The following GAREM1 variants were observed in gnomAD, a reference collection of about 807,000 sequenced individuals.
GAREM1 encodes the protein GRB2-associated and regulator of MAPK protein 1.
In GAREM1, 26 loss-of-function variants were observed where a neutral mutation model predicts 71.3. The observed-to-expected ratio is 0.36, with a 90% confidence interval of 0.27 to 0.51. The LOEUF is 0.51. Ranked by LOEUF, GAREM1 falls within the 20% of genes least tolerant of loss-of-function variation. The probability of loss-of-function intolerance (pLI) is 0.95; values close to 1 mark genes in which losing one functional copy is unlikely to be tolerated. For missense variants in GAREM1, 1,026 were observed against 1,103.1 expected, an observed-to-expected ratio of 0.93 and a Z score of 0.99; for synonymous variants, 440 against 433.2, an observed-to-expected ratio of 1.02 and a Z score of -0.20.
chr18:32,368,268 TGTCCTGCTAGCCTCTCCCTTGTAACATCA>T (rs2047944693), intron 2 of GAREM1, among the ~76,000 whole-genome samples: 1 of 152,116 alleles, frequency 6.6e-6, no homozygotes, highest in Non-Finnish European at 1.5e-5. Context: ...TGTAGGGCCA[TGTCCTGCTAGCCTCTCCCTTGTAACATCA>T]GTGCCTGGGA....
At chr18:32,402,756 T>C (rs1373249061) in intron 1 of GAREM1, among the ~76,000 whole-genome samples, 1 of 152,090 alleles carries the variant, frequency 6.6e-6, no homozygotes, top group Non-Finnish European at 1.5e-5. Flanking sequence ...TCCCACACAT[T>C]TTCTAACTAG....
rs75504790 is a variant in GAREM1, at chr18:32,325,447, G to A, written c.263-15124C>T. ...CACTCTGGTGCAGGATGTTAATGGT[G>A]GAGGCTCTGCGTGTGGTGGGGAAAG... On this transcript the variant is annotated intron_variant, in intron 2 of 5. Coordinates refer to ENST00000269209, the MANE Select transcript of GAREM1 (RefSeq NM_001242409.2). 8.9e-3 allele frequency among the ~76,000 whole-genome samples: 1,348 copies of A among 152,272 alleles called. 17 individuals are homozygous for A. Among genetic ancestry groups the A allele is most frequent in the African/African-American group, 0.031 (1,280 of 41,546 alleles).
intron 1 of GAREM1, among the ~76,000 whole-genome samples, chr18:32,457,226 A>AGAGAGAGAGT (rs1555648709): frequency 1.2e-5 from 1 of 81,926 alleles, no homozygotes; most frequent in African/African-American, 4.2e-5. Flanking sequence ...AGAGAGAGAG[A>AGAGAGAGAGT]GTGTGTGTGT....
At chr18:32,437,392 A>C (rs1010489750) in intron 1 of GAREM1, among the ~76,000 whole-genome samples, 6 of 152,186 alleles carry the variant, frequency 3.9e-5, no homozygotes, top group Non-Finnish European at 8.8e-5. Context: ...TGAGAAAGAC[A>C]TGAGTGAGAA....
intron 2 of GAREM1, among the ~76,000 whole-genome samples, chr18:32,383,174 C>T (rs186932880): frequency 2.0e-4 from 31 of 152,276 alleles, no homozygotes; most frequent in African/African-American, 7.2e-4. Context: ...ATGTTGGAGG[C>T]CCTGTGTAAT....
At chr18:32,411,872 C>CA (rs1475247237) in intron 1 of GAREM1, among the ~76,000 whole-genome samples, 1 of 148,044 alleles carries the variant, frequency 6.8e-6, no homozygotes, top group Non-Finnish European at 1.5e-5. Context: ...TTACACAGCA[C>CA]ATTAAAAAAA....
chr18:32,331,974 C>T (rs537374003), intron 2 of GAREM1, among the ~76,000 whole-genome samples: 12 of 151,204 alleles, frequency 7.9e-5, no homozygotes, highest in Admixed American at 7.3e-4. Flanking sequence ...TCTTTTCCCT[C>T]CTCCCTTGTA....
At chr18:32,406,198 ATTTTTCT>A (rs561549138) in intron 1 of GAREM1, among the ~76,000 whole-genome samples, 1,601 of 152,050 alleles carry the variant, frequency 0.011, 24 homozygotes, top group African/African-American at 0.037. Context: ...ATTATTTTTT[ATTTTTCT>A]TTTTTGTAGA....
intron 3 of GAREM1, among the ~76,000 whole-genome samples, chr18:32,290,755 G>A (rs1028960885): frequency 1.3e-5 from 2 of 151,794 alleles, no homozygotes; most frequent in Middle Eastern, 3.4e-3. Context: ...TTTCCTCTAA[G>A]AGAAATGCCA....
chr18:32,317,699 T>C (rs1330895853), intron 2 of GAREM1, among the ~76,000 whole-genome samples: 1 of 151,544 alleles, frequency 6.6e-6, no homozygotes, highest in Non-Finnish European at 1.5e-5. Flanking sequence ...TGTTGCTTTT[T>C]TTTTTTTTTT....
chr18:32,388,879 T>C (rs2048171171), intron 2 of GAREM1, among the ~76,000 whole-genome samples: 1 of 152,040 alleles, frequency 6.6e-6, no homozygotes, highest in South Asian at 2.1e-4. Flanking sequence ...AACTGGAACA[T>C]GGACAGTAGA....
rs572262640 is a variant in GAREM1 at position 32,274,137 on chromosome 18, G to A, written c.1567-3754C>T. On this transcript the variant is annotated intron_variant, in intron 4 of 5. Coordinates refer to ENST00000269209, the MANE Select transcript of GAREM1 (RefSeq NM_001242409.2). ...TTGTTGCTGCATGGGTGGCCGCTCC[G>A]ATGATGGCCTATTTCTCTGCATCTT... 7.9e-5 allele frequency among the ~76,000 whole-genome samples: 12 copies of A among 152,262 alleles called. No individual in the cohort carries two copies. In the South Asian group the frequency reaches 8.3e-4, roughly 11 times the overall value.
chr18:32,468,966 C>A (rs1264770640), intron 1 of GAREM1, among the ~76,000 whole-genome samples: 2 of 131,990 alleles, frequency 1.5e-5, no homozygotes, highest in African/African-American at 2.8e-5. Flanking sequence ...TGCGTCCCCC[C>A]CCCCCGCCCC....
At chr18:32,445,701 C>T (rs745341035) in intron 1 of GAREM1, among the ~76,000 whole-genome samples, 5 of 152,208 alleles carry the variant, frequency 3.3e-5, no homozygotes, top group Admixed American at 2.0e-4. Flanking sequence ...TAGTTTGTTT[C>T]GCAGGACTGT....
intron 2 of GAREM1, among the ~76,000 whole-genome samples, chr18:32,350,555 T>G (rs1188778373): frequency 1.3e-5 from 2 of 151,962 alleles, no homozygotes; most frequent in Non-Finnish European, 2.9e-5. Context: ...TATTTCTGAC[T>G]ATATATGTGA....
chr18:32,349,846 C>T (rs2047730501), intron 2 of GAREM1, among the ~76,000 whole-genome samples: 2 of 152,180 alleles, frequency 1.3e-5, no homozygotes, highest in South Asian at 4.1e-4. Flanking sequence ...ACAAGGCATG[C>T]TTTTTAAATC....
Position 32,268,627 on chromosome 18 carries a change from T to C in GAREM1, c.1875A>G (p.Ser625=). The C allele has an allele frequency of 1.2e-6, 2 of 1,614,174 alleles. No individual in the cohort carries two copies. Among genetic ancestry groups the C allele is most frequent in the Non-Finnish European group, 1.7e-6 (2 of 1,180,030 alleles). The change falls in exon 6 of 6, where the codon TCA becomes TCG. Residue 625 remains serine (S), a synonymous_variant. Transcript: ENST00000269209. ...ATGCTCCTGAATAATGGTTAGGCCA[T>C]GAGAGCCGAGAGGACACAGCTTCAG... ...PSAEAVSSRL[S]WPNHYSGASE...
chr18:32,469,133 A>G (rs540145789), intron 1 of GAREM1, among the ~76,000 whole-genome samples: 2 of 152,174 alleles, frequency 1.3e-5, no homozygotes, highest in Non-Finnish European at 2.9e-5. Flanking sequence ...TCCTGCATCT[A>G]TTTTTCACAT....
chr18:32,456,476 T>C (rs1245078789), intron 1 of GAREM1, among the ~76,000 whole-genome samples: 2 of 152,122 alleles, frequency 1.3e-5, no homozygotes, highest in Admixed American at 1.3e-4. Context: ...TTCTCACACA[T>C]CCATGATAGA....
Sources: allele counts gnomAD v4.1 joint callset (sites outside exome capture counted in the v4.1 genomes callset), GRCh38; gene constraint gnomAD v4.1.1; transcripts MANE v1.5; gene names NCBI Gene and HGNC (gene_info 2026-07-23, HGNC 2026-07-21).